Variants in CHL1 observed in about 807,000 individuals in gnomAD.
CHL1 encodes the protein neural cell adhesion molecule L1-like protein.
In CHL1, 96 loss-of-function variants were observed where a neutral mutation model predicts 141.9. The observed-to-expected ratio is 0.68, with a 90% CI of 0.57 to 0.80. CHL1 has a LOEUF of 0.80. CHL1 is among the 30% of genes least tolerant of loss of function. CHL1 has a pLI of 0.00. For synonymous variants in CHL1, 613 were observed against 502.2 expected (o/e 1.22, Z -2.95); for missense variants, 1,820 against 1,457.2 (o/e 1.25, Z -4.05).
intron 2 of CHL1, chr3:282,647 A>T (rs866858504): frequency 5.9e-5 from 9 of 152,158 alleles, no homozygotes; most frequent in Admixed American, 2.0e-4. Flanking sequence ...TGACTGGTTG[A>T]CTGTCTTTCT....
chr3:242,784 G>C (rs1281479028), intron 1 of CHL1, among the ~76,000 whole-genome samples: 1 of 152,112 alleles, frequency 6.6e-6, no homozygotes, highest in Admixed American at 6.5e-5. Flanking sequence ...GAAGGAAGCA[G>C]ATGAGAGCTC....
chr3:382,283 A>C lies in CHL1; in HGVS notation c.1978+3A>C, dbSNP rs761723687. The C allele has an allele frequency of 5.6e-6, 9 of 1,612,056 alleles. No individual in the cohort carries two copies. Among genetic ancestry groups the C allele is most frequent in the Admixed American group, 1.7e-5 (1 of 59,914 alleles). On this transcript the variant is annotated splice_donor_region_variant and intron_variant, in intron 17 of 27. Coordinates refer to ENST00000256509, the MANE Select transcript of CHL1 (RefSeq NM_006614.4). ...TGACCACAACAGCAATATTAGCGGT[A>C]GGAAGACTTGGGATAACTGTTTTCA...
chr3:371,361 G>T (rs1420753609), intron 15 of CHL1, among the ~76,000 whole-genome samples: 1 of 152,084 alleles, frequency 6.6e-6, no homozygotes, highest in African/African-American at 2.4e-5. Flanking sequence ...ACTATGTAAT[G>T]CCCTTCTTTG....
At chr3:377,772 T>C in intron 15 of CHL1, 46 bp from the exon 16 acceptor site, 1 of 1,514,520 alleles carries the variant, frequency 6.6e-7, no homozygotes, top group South Asian at 1.2e-5. Flanking sequence ...TTTCTATCAT[T>C]TCTATTGTTT....
At chr3:372,221 T>G (rs140573863) in intron 15 of CHL1, among the ~76,000 whole-genome samples, 2,104 of 152,336 alleles carry the variant, frequency 0.014, 22 homozygotes, top group Non-Finnish European at 0.022. Flanking sequence ...GTTTCCATTC[T>G]ACCCATCTCC....
chr3:401,026 C>T (rs998380647), intron 26 of CHL1, among the ~76,000 whole-genome samples: 2 of 151,238 alleles, frequency 1.3e-5, no homozygotes, highest in East Asian at 2.0e-4. Flanking sequence ...CTCAGCTCCT[C>T]GTGTAGCTGG....
chr3:340,751 A>T, intron 5 of CHL1, 43 bp from the exon 6 acceptor site: 1 of 1,486,086 alleles, frequency 6.7e-7, no homozygotes, highest in Non-Finnish European at 9.3e-7. Flanking sequence ...TTATAGTCAA[A>T]GTTAATTTTA....
chr3:306,691 CA>C (rs955169139), intron 2 of CHL1, among the ~76,000 whole-genome samples: 11 of 150,722 alleles, frequency 7.3e-5, no homozygotes, highest in African/African-American at 1.5e-4. Context: ...AATGTGATGA[CA>C]AAAAAAATAA....
chr3:385,281 C>T (rs1707547064), intron 19 of CHL1, among the ~76,000 whole-genome samples: 1 of 152,142 alleles, frequency 6.6e-6, no homozygotes, highest in Non-Finnish European at 1.5e-5. Context: ...AACATTAGCT[C>T]ATTAATCCTC....
intron 2 of CHL1, among the ~76,000 whole-genome samples, chr3:262,984 G>C (rs1426562782): frequency 6.6e-6 from 1 of 152,168 alleles, no homozygotes; most frequent in East Asian, 1.9e-4. Context: ...TAATGACCTT[G>C]TTTAGCTATT....
At chr3:232,730 T>C (rs1453293703) in intron 1 of CHL1, among the ~76,000 whole-genome samples, 1 of 152,036 alleles carries the variant, frequency 6.6e-6, no homozygotes, top group Admixed American at 6.6e-5. Flanking sequence ...GTGAGTGAAA[T>C]GAATCAGAGG....
At chr3:238,215 A>G (rs973993204) in intron 1 of CHL1, among the ~76,000 whole-genome samples, 1 of 152,104 alleles carries the variant, frequency 6.6e-6, no homozygotes, top group African/African-American at 2.4e-5. Flanking sequence ...GGCCTCCATG[A>G]TTTGAATCAA....
Position 382,533 on chromosome 3 carries a change from A to C in CHL1, c.2038A>C (p.Arg680=), listed in dbSNP as rs375542384. 5.6e-6 allele frequency: 9 copies of C among 1,613,842 alleles called. No homozygotes were observed. The highest frequency in any genetic ancestry group is 1.3e-5 in the African/African-American group (1 of 74,912). Residue 680 remains arginine (R), a synonymous_variant, in exon 18 of 28, where the codon AGA becomes CGA. Transcript: ENST00000256509. Reference sequence around the variant, plus strand: ...GCCTGGAAGGTGGGAGGAACTGACCAGAGTCCAAGGAAAGAAAACCACAGT... The same window carrying C: ...GCCTGGAAGGTGGGAGGAACTGACCCGAGTCCAAGGAAAGAAAACCACAGT... ...EEPGRWEELT[R]VQGKKTTVIL...
At position 299,431 on chromosome 3, in the gene CHL1, G is replaced by A. The variant is rs552995034; in HGVS notation, c.-94-20252G>A. On this transcript the variant is annotated intron_variant, in intron 2 of 27. Transcript: ENST00000256509. Reference sequence around the variant, plus strand: ...TCTTACCATTGGTTCCCTTTTGGATGTTGATCTAGGAAAATGCTGGAAAAT... The same window carrying A: ...TCTTACCATTGGTTCCCTTTTGGATATTGATCTAGGAAAATGCTGGAAAAT... 3.4e-4 allele frequency among the ~76,000 whole-genome samples: 52 copies of A among 152,260 alleles called. 1 individual carries two copies. The highest frequency in any genetic ancestry group is 1.2e-3 in the African/African-American group (49 of 41,556).
rs1337747340 is a variant in CHL1, at chr3:210,548, G to A, written c.-175+13485G>A. Among the ~76,000 whole-genome samples, 4 of 152,176 alleles carry A rather than the reference G, an allele frequency of 2.6e-5. No homozygotes were observed. In the East Asian group the frequency reaches 7.7e-4, roughly 29 times the overall value. Reference sequence around the variant, plus strand: ...TCCTGGTCCTTCCAGAAATGTCACTGGACTTTTCACACAGTGACTCAGGGC... The same window carrying A: ...TCCTGGTCCTTCCAGAAATGTCACTAGACTTTTCACACAGTGACTCAGGGC... On this transcript the variant is annotated intron_variant, in intron 1 of 27. Transcript: ENST00000256509.
chr3:366,030 T>C lies in CHL1; in HGVS notation c.1666T>C (p.Cys556Arg). 6.2e-7 allele frequency: 1 copy of C among 1,613,806 alleles called. No homozygotes were observed. Among genetic ancestry groups the C allele is most frequent in the African/African-American group, 1.3e-5 (1 of 75,034 alleles). Residue 556 changes from cysteine (C) to arginine (R), a missense_variant, in exon 15 of 28, where the codon TGT becomes CGT. Coordinates refer to ENST00000256509, the MANE Select transcript of CHL1 (RefSeq NM_006614.4). Reference protein sequence around the residue: ...HMLELHCESKCDSHLKHSLKL... With the variant: ...HMLELHCESKRDSHLKHSLKL... ...GCTTGAATTACATTGTGAAAGCAAA[T>C]GTGACTCACATTTGAAACACAGTTT...
chr3:290,878 G>T (rs1451877254), intron 2 of CHL1, among the ~76,000 whole-genome samples: 2 of 150,916 alleles, frequency 1.3e-5, no homozygotes, highest in Non-Finnish European at 3.0e-5. Context: ...AGAGGTTGTG[G>T]TGAGCAGAGA....
At position 280,913 on chromosome 3, in the gene CHL1, CCA is replaced by C. The variant is rs56209708; in HGVS notation, c.-95+36241_-95+36242del. On this transcript the variant is annotated intron_variant, in intron 2 of 27. Coordinates refer to ENST00000256509, the MANE Select transcript of CHL1 (RefSeq NM_006614.4). ...TGCACCACACACACACACACATGCA[CCA>C]CACACACACACACACACACGCACAC... 5.9e-3 allele frequency among the ~76,000 whole-genome samples: 879 copies of C among 148,106 alleles called. 6 individuals carry two copies. Among genetic ancestry groups the C allele is most frequent in the South Asian group, 0.028 (132 of 4,708 alleles).
chr3:377,870 C>G lies in CHL1; in HGVS notation c.1804C>G (p.Gln602Glu). The change falls in exon 16 of 28, where the codon CAA becomes GAA. Residue 602 changes from glutamine to glutamate, a missense_variant. Coordinates refer to ENST00000256509, the MANE Select transcript of CHL1 (RefSeq NM_006614.4). ...LTISNVTLED[Q>E]GIYCCSAHTA... Reference sequence around the variant, plus strand: ...CATATCTAATGTAACTTTAGAGGACCAAGGTATTTACTGCTGTTCAGCTCA... The same window carrying G: ...CATATCTAATGTAACTTTAGAGGACGAAGGTATTTACTGCTGTTCAGCTCA... 2.5e-6 allele frequency: 4 copies of G among 1,611,008 alleles called. No individual in the cohort carries two copies. Among genetic ancestry groups the G allele is most frequent in the Non-Finnish European group, 3.4e-6 (4 of 1,177,532 alleles).
Sources: allele counts gnomAD v4.1 joint callset (sites outside exome capture counted in the v4.1 genomes callset), GRCh38; gene constraint gnomAD v4.1.1; transcripts MANE v1.5; gene names NCBI Gene and HGNC (gene_info 2026-07-23, HGNC 2026-07-21).